Variants in DST observed in about 807,000 individuals in gnomAD.
The protein encoded by DST is dystonin.
A neutral mutation model predicts 875.2 loss-of-function variants in DST; 253 were observed. That is an observed-to-expected ratio of 0.29 (90% CI 0.26 to 0.32). DST has a LOEUF of 0.32. Among genes scored for constraint, DST ranks in the 10% least tolerant of loss-of-function variants. DST has a pLI of 1.00. For synonymous variants in DST, 3,124 were observed against 3,197.1 expected (o/e 0.98, Z 0.77); for missense variants, 8,287 against 9,111.6 (o/e 0.91, Z 3.68).
Position 56,578,914 on chromosome 6 carries a change from A to G in DST, c.12927T>C (p.Ser4309=). 1 of 1,600,806 alleles carries G rather than the reference A, an allele frequency of 6.2e-7. No homozygotes were observed. The highest frequency in any genetic ancestry group is 1.3e-5 in the African/African-American group (1 of 74,920). The change falls in exon 50 of 104, where the codon AGT becomes AGC. Residue 4309 remains serine (S), a synonymous_variant. Transcript: ENST00000680361. ...ETKALQGQIS[S]QQVAVEKLKK... is the part of the protein sequence containing the mutation. Reference sequence around the variant, plus strand: ...TCAGTTTCTCTACAGCAACCTGCTGACTTGATATCTGTCCTTGCAAAGCCT... The same window carrying G: ...TCAGTTTCTCTACAGCAACCTGCTGGCTTGATATCTGTCCTTGCAAAGCCT...
chr6:56,829,558 G>C (rs563248025), intron 4 of DST, among the ~76,000 whole-genome samples: 158 of 152,178 alleles, frequency 1.0e-3, no homozygotes, highest in African/African-American at 3.7e-3. Flanking sequence ...ATCAATAGTA[G>C]TTTCTACAAA....
chr6:56,773,961 T>C (rs1212929471), intron 4 of DST, among the ~76,000 whole-genome samples: 1 of 151,696 alleles, frequency 6.6e-6, no homozygotes, highest in African/African-American at 2.4e-5. Flanking sequence ...CTACTAAAAA[T>C]ACAAAAAACA....
chr6:56,649,953 G>A (rs1042949598), intron 12 of DST, among the ~76,000 whole-genome samples: 3 of 152,140 alleles, frequency 2.0e-5, no homozygotes, highest in Admixed American at 1.3e-4. Context: ...GGGAGAAGCA[G>A]CAGCAAGAGA....
chr6:56,692,284 A>T, intron 9 of DST: 1 of 549,842 alleles, frequency 1.8e-6, no homozygotes, highest in Non-Finnish European at 2.8e-6. Flanking sequence ...GCTTTTACAT[A>T]CACTAATATG....
chr6:56,524,625 G>A (rs573157245), intron 69 of DST, among the ~76,000 whole-genome samples: 1 of 152,140 alleles, frequency 6.6e-6, no homozygotes, highest in Non-Finnish European at 1.5e-5. Flanking sequence ...TAGCCTTATT[G>A]GAGGTATTTT....
At chr6:56,566,272 G>C (rs1044494766) in intron 55 of DST, among the ~76,000 whole-genome samples, 2 of 152,170 alleles carry the variant, frequency 1.3e-5, no homozygotes, top group African/African-American at 4.8e-5. Flanking sequence ...AGCTAGCTTG[G>C]TGTCCGCCCA....
At chr6:56,732,162 G>A (rs573631467) in intron 5 of DST, among the ~76,000 whole-genome samples, 2 of 151,968 alleles carry the variant, frequency 1.3e-5, no homozygotes, top group Admixed American at 1.3e-4. Flanking sequence ...AGTGGAGATC[G>A]AAAAGGACCC....
At chr6:56,667,894 T>C (rs1220994696) in intron 10 of DST, among the ~76,000 whole-genome samples, 3 of 151,930 alleles carry the variant, frequency 2.0e-5, no homozygotes, top group Admixed American at 1.3e-4. Context: ...AGAGACAATG[T>C]CCAGAGGCCA....
intron 63 of DST, among the ~76,000 whole-genome samples, chr6:56,533,631 T>C (rs1280114399): frequency 3.9e-5 from 6 of 152,122 alleles, no homozygotes; most frequent in Non-Finnish European, 7.4e-5. Context: ...ATAAAGCTTC[T>C]AGCAATTAAA....
intron 82 of DST, among the ~76,000 whole-genome samples, chr6:56,495,584 T>C (rs1316338509): frequency 6.6e-6 from 1 of 152,036 alleles, no homozygotes; most frequent in African/African-American, 2.4e-5. Context: ...GTCAAAGCTG[T>C]GCAAGTACTT....
In DST at chr6:56,619,471, T is replaced by G. The variant is rs754600876; in HGVS notation, c.4930-4987A>C. ...GATGATCTGATTTTCTCTGGCAGAT[T>G]TGTAGTCTTTCTAATTCTTTCTCAT... On this transcript the variant is annotated intron_variant, in intron 36 of 103. Transcript: ENST00000680361. 3 of 1,612,106 alleles carry G rather than the reference T, an allele frequency of 1.9e-6. No individual in the cohort carries two copies. In the South Asian group the frequency reaches 3.3e-5, roughly 18 times the overall value.
intron 2 of DST, among the ~76,000 whole-genome samples, chr6:56,940,457 T>G (rs533176821): frequency 2.6e-5 from 4 of 152,290 alleles, no homozygotes; most frequent in Non-Finnish European, 5.9e-5. Context: ...TAATAAGCCA[T>G]CTTAGTTTTA....
At chr6:56,747,724 C>A (rs2099576795) in intron 4 of DST, among the ~76,000 whole-genome samples, 1 of 151,876 alleles carries the variant, frequency 6.6e-6, no homozygotes, top group African/African-American at 2.4e-5. Flanking sequence ...AAGAATATAC[C>A]CCAAAGCACA....
intron 61 of DST, among the ~76,000 whole-genome samples, chr6:56,548,900 C>G (rs1225339417): frequency 6.6e-6 from 1 of 152,208 alleles, no homozygotes; most frequent in African/African-American, 2.4e-5. Flanking sequence ...TAACACCAAT[C>G]TACTTTCAAA....
intron 61 of DST, among the ~76,000 whole-genome samples, chr6:56,548,658 C>T (rs145824620): frequency 6.7e-4 from 102 of 152,226 alleles, no homozygotes; most frequent in African/African-American, 2.4e-3. Flanking sequence ...CAAACAGAAT[C>T]GCCCTGCTAT....
rs772016848 is a variant in DST, at chr6:56,608,247, T to C, written c.6381A>G (p.Leu2127=). The change falls in exon 40 of 104, where the codon CTA becomes CTG. Residue 2127 remains leucine (L), a synonymous_variant. Transcript: ENST00000680361. Reference sequence around the variant, plus strand: ...ATGCTGTGTTGTTGTCTATAATTCCTAGCTGTTTAGCAGCATCCAAACCAA... The same window carrying C: ...ATGCTGTGTTGTTGTCTATAATTCCCAGCTGTTTAGCAGCATCCAAACCAA... ...QVIGLDAAKQ[L]GIIDNNTASI... The C allele has an allele frequency of 3.1e-6, 5 of 1,613,740 alleles. No homozygotes were observed. The highest frequency in any genetic ancestry group is 3.4e-6 in the Non-Finnish European group (4 of 1,179,770).
intron 4 of DST, among the ~76,000 whole-genome samples, chr6:56,846,570 A>T (rs2099807422): frequency 6.6e-6 from 1 of 152,270 alleles, no homozygotes. Context: ...CATTTATACA[A>T]TGGGTGTTTA....
At chr6:56,491,995 T>C (rs982936868) in intron 85 of DST, among the ~76,000 whole-genome samples, 7 of 152,236 alleles carry the variant, frequency 4.6e-5, no homozygotes, top group African/African-American at 7.2e-5. Flanking sequence ...AGTCAAGCTA[T>C]AATCAGTCTT....
intron 24 of DST, among the ~76,000 whole-genome samples, chr6:56,635,355 G>GCA (rs541249771): frequency 3.6e-4 from 54 of 150,818 alleles, no homozygotes; most frequent in Admixed American, 1.5e-3. Context: ...ACACACACGT[G>GCA]CACACACACA....
Sources: allele counts gnomAD v4.1 joint callset (sites outside exome capture counted in the v4.1 genomes callset), GRCh38; gene constraint gnomAD v4.1.1; transcripts MANE v1.5; gene names NCBI Gene and HGNC (gene_info 2026-07-23, HGNC 2026-07-21).